PIAS2: variants seen among roughly 807,000 people sequenced by gnomAD.
PIAS2 encodes E3 SUMO-protein ligase PIAS2.
PIAS2 carries 19 observed loss-of-function variants against 69.7 expected under a neutral mutation model. The ratio of observed to expected loss-of-function variants is 0.27; its 90% confidence interval spans 0.19 to 0.40. The LOEUF (loss-of-function observed/expected upper bound fraction) is 0.40. Among genes scored for constraint, PIAS2 ranks in the 10% least tolerant of loss-of-function variants. The pLI, the probability that PIAS2 is intolerant of heterozygous loss-of-function variation, is 1.00. For synonymous variants in PIAS2, 261 were observed against 263.2 expected (o/e 0.99, Z 0.08); for missense variants, 624 against 757.0 (o/e 0.82, Z 2.06).
At chr18:46,905,015 C>T (rs888435309) in intron 1 of PIAS2, among the ~76,000 whole-genome samples, 3 of 152,064 alleles carry the variant, frequency 2.0e-5, no homozygotes, top group Admixed American at 6.5e-5. Context: ...GAGATTTGAA[C>T]AACATAATTA....
chr18:46,815,779 A>C, intron 12 of PIAS2: 2 of 998,322 alleles, frequency 2.0e-6, no homozygotes, highest in Non-Finnish European at 2.4e-6. Flanking sequence ...TCGCTTCTTA[A>C]ACAGATGTCT....
At chr18:46,865,107 T>C (rs899496302) in intron 2 of PIAS2, among the ~76,000 whole-genome samples, 7 of 152,212 alleles carry the variant, frequency 4.6e-5, no homozygotes, top group Non-Finnish European at 7.3e-5. Flanking sequence ...AATGTATTTA[T>C]GACTTCACAA....
At chr18:46,866,754 A>C (rs1291768389) in intron 2 of PIAS2, among the ~76,000 whole-genome samples, 1 of 152,188 alleles carries the variant, frequency 6.6e-6, no homozygotes, top group African/African-American at 2.4e-5. Context: ...TTATCTCCCC[A>C]ACAGTTGTGT....
At chr18:46,906,021 CA>C (rs1344440971) in intron 1 of PIAS2, 3 of 151,896 alleles carry the variant, frequency 2.0e-5, no homozygotes, top group African/African-American at 7.3e-5. Context: ...ACTTGCAACA[CA>C]AAGTTTGTTT....
At chr18:46,861,230 C>T (rs2048619118) in intron 3 of PIAS2, among the ~76,000 whole-genome samples, 1 of 152,010 alleles carries the variant, frequency 6.6e-6, no homozygotes, top group Non-Finnish European at 1.5e-5. Flanking sequence ...CGGAGTGAGA[C>T]TTTGTCTCAA....
At chr18:46,845,371 G>A (rs2046015309) in intron 6 of PIAS2, among the ~76,000 whole-genome samples, 1 of 152,172 alleles carries the variant, frequency 6.6e-6, no homozygotes, top group Non-Finnish European at 1.5e-5. Context: ...TGGCCTTTGA[G>A]TAAATCACGC....
Position 46,836,346 on chromosome 18 carries a change from G to C in PIAS2, c.1202+11C>G. On this transcript the variant is annotated intron_variant, in intron 9 of 13. Coordinates refer to ENST00000585916, the MANE Select transcript of PIAS2 (RefSeq NM_004671.5). ...TTAGTCCATATCAGCTGTTAAAAGG[G>C]ATATACTTACCCATCTAATATTAGA... The C allele has an allele frequency of 6.2e-7, 1 of 1,610,510 alleles. No homozygotes were observed.
intron 1 of PIAS2, among the ~76,000 whole-genome samples, chr18:46,906,974 C>A (rs772371572): frequency 1.3e-5 from 2 of 152,066 alleles, no homozygotes; most frequent in African/African-American, 2.4e-5. Context: ...AAACAAAAAT[C>A]TGTGTGAATG....
intron 11 of PIAS2, chr18:46,827,644 C>T (rs933847603): frequency 4.8e-6 from 1 of 209,306 alleles, no homozygotes; most frequent in Non-Finnish European, 9.6e-6. Context: ...CCCAGTTCCA[C>T]ACTCCATTAC....
At position 46,806,519 on chromosome 18, in the gene PIAS2, TA is replaced by T. The variant is rs1425122958; in HGVS notation, c.*5913del. On this transcript the variant is annotated 3_prime_UTR_variant, in exon 14 of 14. Coordinates refer to ENST00000585916, the MANE Select transcript of PIAS2 (RefSeq NM_004671.5). ...ATTACAGACATGAGCCATCATGCCC[TA>T]ATTTTTTGTATTTTTAGTAGAGATG... 2.0e-5 allele frequency: 3 copies of T among 151,658 alleles called. No homozygotes were observed. Among genetic ancestry groups the T allele is most frequent in the Non-Finnish European group, 4.4e-5 (3 of 67,922 alleles). 9.4% of individuals were successfully genotyped at this position (151,658 alleles called of 1,614,324 possible). A position where few individuals can be genotyped will look rare whatever the true frequency, so the allele number is the denominator to read the frequency against.
At chr18:46,847,686 G>A (rs143587448) in intron 5 of PIAS2, among the ~76,000 whole-genome samples, 2,536 of 152,184 alleles carry the variant, frequency 0.017, 32 homozygotes, top group Non-Finnish European at 0.026. Context: ...GTTTCACCAT[G>A]TTAGCCAGGA....
chr18:46,852,219 G>A (rs540279105), intron 5 of PIAS2, among the ~76,000 whole-genome samples: 1 of 152,242 alleles, frequency 6.6e-6, no homozygotes, highest in Admixed American at 6.5e-5. Context: ...ATCAAGTGGT[G>A]GTTTAAGATG....
At chr18:46,854,551 A>G (rs2047452165) in intron 5 of PIAS2, among the ~76,000 whole-genome samples, 1 of 152,222 alleles carries the variant, frequency 6.6e-6, no homozygotes, top group Non-Finnish European at 1.5e-5. Flanking sequence ...AAACCAATAC[A>G]TAGTCCAGTT....
At chr18:46,838,411 G>A (rs72907154) in intron 8 of PIAS2, among the ~76,000 whole-genome samples, 2,260 of 152,292 alleles carry the variant, frequency 0.015, 24 homozygotes, top group Non-Finnish European at 0.023. Context: ...TGGCAGAGCA[G>A]GTCTGACCTG....
At chr18:46,895,458 G>A (rs1452617021) in intron 1 of PIAS2, among the ~76,000 whole-genome samples, 1 of 152,128 alleles carries the variant, frequency 6.6e-6, no homozygotes, top group Admixed American at 6.5e-5. Flanking sequence ...ATCATCTGAG[G>A]TCAGGAGTTG....
chr18:46,838,513 T>C (rs2044790849), intron 8 of PIAS2, among the ~76,000 whole-genome samples: 1 of 152,162 alleles, frequency 6.6e-6, no homozygotes, highest in Non-Finnish European at 1.5e-5. Context: ...GCCTCGAAAT[T>C]ACTGTGATTC....
intron 1 of PIAS2, among the ~76,000 whole-genome samples, chr18:46,902,769 C>A (rs1367121070): frequency 6.6e-6 from 1 of 152,028 alleles, no homozygotes; most frequent in Non-Finnish European, 1.5e-5. Flanking sequence ...ACAGCCAAAA[C>A]AATTTTTAAA....
rs1417388112 is a variant in PIAS2 at position 46,809,472 on chromosome 18, T to C, written c.*2961A>G. 6.6e-6 allele frequency: 1 copy of C among 152,174 alleles called. No homozygotes were observed. Among genetic ancestry groups the C allele is most frequent in the Non-Finnish European group, 1.5e-5 (1 of 68,066 alleles). 9.4% of individuals were successfully genotyped at this position (152,174 alleles called of 1,614,324 possible). A position where few individuals can be genotyped will look rare whatever the true frequency, so the allele number is the denominator to read the frequency against. On this transcript the variant is annotated 3_prime_UTR_variant, in exon 14 of 14. Coordinates refer to ENST00000585916, the MANE Select transcript of PIAS2 (RefSeq NM_004671.5). ...GAAGAAAGATAAAAACATTTTATTT[T>C]GGCCAGGCGCGGTGGCTCACGCCTG...
intron 2 of PIAS2, among the ~76,000 whole-genome samples, chr18:46,888,571 T>C (rs2053566766): frequency 6.6e-6 from 1 of 152,234 alleles, no homozygotes; most frequent in South Asian, 2.1e-4. Flanking sequence ...AAATCAACAG[T>C]CACAACCTTT....
Sources: allele counts gnomAD v4.1 joint callset (sites outside exome capture counted in the v4.1 genomes callset), GRCh38; gene constraint gnomAD v4.1.1; transcripts MANE v1.5; gene names NCBI Gene and HGNC (gene_info 2026-07-23, HGNC 2026-07-21).